Variants in WWOX observed in about 807,000 individuals in gnomAD.
WWOX encodes WW domain-containing oxidoreductase.
In WWOX, 69 loss-of-function variants were observed where a neutral mutation model predicts 46.2. The ratio of observed to expected loss-of-function variants is 1.49; its 90% CI spans 1.23 to 1.82. The LOEUF (loss-of-function observed/expected upper bound fraction) is 1.82, where lower values mean the gene tolerates loss of function less well. Among genes scored for constraint, WWOX ranks in the 40% most tolerant of loss-of-function variants. WWOX has a pLI of 0.00. For missense variants in WWOX, 919 were observed against 542.6 expected, an observed-to-expected ratio of 1.69 and a Z score of -6.89; for synonymous variants, 359 against 202.6, an observed-to-expected ratio of 1.77 and a Z score of -6.56.
chr16:79,028,553 T>G (rs1396407146), intron 8 of WWOX, among the ~76,000 whole-genome samples: 1 of 151,612 alleles, frequency 6.6e-6, no homozygotes, highest in Non-Finnish European at 1.5e-5. Flanking sequence ...TCTTGCTTTC[T>G]TCCCTCCTCT....
chr16:78,784,789 C>G (rs959163771), intron 8 of WWOX, among the ~76,000 whole-genome samples: 1 of 152,096 alleles, frequency 6.6e-6, no homozygotes, highest in Non-Finnish European at 1.5e-5. Context: ...TCCTGACCTT[C>G]ATAATAAGGA....
chr16:78,404,175 TC>T (rs374966028), intron 6 of WWOX, among the ~76,000 whole-genome samples: 12 of 152,122 alleles, frequency 7.9e-5, no homozygotes, highest in Admixed American at 2.0e-4. Context: ...AGGGAGGGAC[TC>T]GGGGGTTTTT....
At chr16:78,156,776 T>C (rs1398569656) in intron 4 of WWOX, among the ~76,000 whole-genome samples, 1 of 151,280 alleles carries the variant, frequency 6.6e-6, no homozygotes, top group Non-Finnish European at 1.5e-5. Context: ...ATACAAAAAT[T>C]AGCTGGGTGT....
rs58252257 is a variant in WWOX, at chr16:78,779,120, G to T, written c.1056+346368G>T. ...CTCTCTTCTACATATCTCAGTGTTGGAAAACATAAATGTGACTCCAACTTG... is the reference window on the plus strand; with the variant it reads ...CTCTCTTCTACATATCTCAGTGTTGTAAAACATAAATGTGACTCCAACTTG... On this transcript the variant is annotated intron_variant, in intron 8 of 8. Transcript: ENST00000566780. Among the ~76,000 whole-genome samples, 317 of 152,234 alleles carry T rather than the reference G, an allele frequency of 2.1e-3. 2 individuals carry two copies. Among genetic ancestry groups the T allele is most frequent in the African/African-American group, 7.2e-3 (297 of 41,526 alleles).
At chr16:78,678,568 G>A (rs910476766) in intron 8 of WWOX, among the ~76,000 whole-genome samples, 1 of 152,160 alleles carries the variant, frequency 6.6e-6, no homozygotes, top group African/African-American at 2.4e-5. Flanking sequence ...TCCATGCCAA[G>A]ATGTGATAAT....
chr16:79,114,814 T>C (rs2049482020), intron 8 of WWOX, among the ~76,000 whole-genome samples: 1 of 152,128 alleles, frequency 6.6e-6, no homozygotes, highest in South Asian at 2.1e-4. Context: ...TCCAGATCAC[T>C]CATCAAGGGG....
intron 8 of WWOX, among the ~76,000 whole-genome samples, chr16:78,711,525 T>C (rs1034063338): frequency 1.3e-5 from 2 of 152,152 alleles, no homozygotes; most frequent in African/African-American, 4.8e-5. Context: ...AGAATAATAG[T>C]TTGAAAGGCC....
At chr16:78,689,432 A>G (rs1408293465) in intron 8 of WWOX, among the ~76,000 whole-genome samples, 3 of 152,208 alleles carry the variant, frequency 2.0e-5, no homozygotes, top group African/African-American at 7.2e-5. Flanking sequence ...CTGGCAAAGA[A>G]TCCTTGACCA....
At chr16:78,452,213 G>C (rs1329320182) in intron 8 of WWOX, among the ~76,000 whole-genome samples, 1 of 152,112 alleles carries the variant, frequency 6.6e-6, no homozygotes, top group Non-Finnish European at 1.5e-5. Context: ...TTCTTGGATT[G>C]TCCGCACTCA....
chr16:78,882,518 C>G (rs1208493020), intron 8 of WWOX, among the ~76,000 whole-genome samples: 1 of 151,558 alleles, frequency 6.6e-6, no homozygotes, highest in Non-Finnish European at 1.5e-5. Flanking sequence ...ACTCTGTCAC[C>G]CAGGCTGGCG....
chr16:78,298,186 A>G (rs1320675346), intron 5 of WWOX, among the ~76,000 whole-genome samples: 3 of 152,112 alleles, frequency 2.0e-5, no homozygotes, highest in Admixed American at 6.6e-5. Flanking sequence ...TCTTTCCTTT[A>G]TAAACCACCC....
At chr16:78,488,646 G>C (rs1167111970) in intron 8 of WWOX, among the ~76,000 whole-genome samples, 1 of 152,138 alleles carries the variant, frequency 6.6e-6, no homozygotes, top group Admixed American at 6.5e-5. Context: ...AGCTCATTAG[G>C]CGTCATCTGA....
In WWOX at chr16:78,129,522, C is replaced by A. The variant is rs371771430; in HGVS notation, c.409+14368C>A. On this transcript the variant is annotated intron_variant, in intron 4 of 8. Transcript: ENST00000566780. ...TGCCGTTGTGTGTGCAGTCCATTGT[C>A]ATGTGATAGTGATTAAGGGAGGTGG... Among the ~76,000 whole-genome samples, 8 of 152,212 alleles carry A rather than the reference C, an allele frequency of 5.3e-5. No homozygotes were observed. The South Asian group carries it at 1.7e-3, about 32-fold the overall frequency.
chr16:78,712,662 A>G (rs2048468137), intron 8 of WWOX, among the ~76,000 whole-genome samples: 1 of 152,194 alleles, frequency 6.6e-6, no homozygotes, highest in Non-Finnish European at 1.5e-5. Context: ...GCTAATAGAT[A>G]GTATTAAGAG....
At chr16:79,026,095 C>G (rs1164835981) in intron 8 of WWOX, among the ~76,000 whole-genome samples, 2 of 151,586 alleles carry the variant, frequency 1.3e-5, no homozygotes, top group African/African-American at 4.9e-5. Flanking sequence ...GTCCCCATGC[C>G]CAGCCCCTGT....
chr16:78,420,873 A>C (rs959724768), intron 6 of WWOX, among the ~76,000 whole-genome samples: 1 of 152,270 alleles, frequency 6.6e-6, no homozygotes, highest in East Asian at 1.9e-4. Context: ...GAAAAAAAGT[A>C]ATCCTGACTG....
At chr16:78,768,300 A>AAAAAAAAAC (rs1555531813) in intron 8 of WWOX, among the ~76,000 whole-genome samples, 4 of 148,796 alleles carry the variant, frequency 2.7e-5, no homozygotes, top group African/African-American at 1.0e-4. Context: ...AAAAAAAAAA[A>AAAAAAAAAC]GTTGCCTGGC....
At position 78,343,147 on chromosome 16, in the gene WWOX, T is replaced by G. The variant is rs1298532563; in HGVS notation, c.517-43713T>G. 1.5e-4 allele frequency among the ~76,000 whole-genome samples: 18 copies of G among 119,806 alleles called. 5 individuals are homozygous for G. The highest frequency in any genetic ancestry group is 1.5e-3 in the Admixed American group (18 of 12,256). The allele number at this position is 119,806 out of a possible 152,430, so 78.6% of individuals were successfully genotyped here. A position where few individuals can be genotyped will look rare whatever the true frequency, so the allele number is the denominator to read the frequency against. On this transcript the variant is annotated intron_variant, in intron 5 of 8. Transcript: ENST00000566780. ...ATGAGACAACAGCAGGATGCAAGAT[T>G]GTACAATGACACCATGACTCTGCTT...
chr16:78,110,363 AG>A (rs1349936066), intron 3 of WWOX, among the ~76,000 whole-genome samples: 1 of 142,880 alleles, frequency 7.0e-6, no homozygotes, highest in Non-Finnish European at 1.5e-5. Context: ...AAAAAAAAAG[AG>A]GGAATGCACT....
Sources: allele counts gnomAD v4.1 joint callset (sites outside exome capture counted in the v4.1 genomes callset), GRCh38; gene constraint gnomAD v4.1.1; transcripts MANE v1.5; gene names NCBI Gene and HGNC (gene_info 2026-07-23, HGNC 2026-07-21).